Variants in SRPK2 observed in about 807,000 individuals in gnomAD.
SRPK2 encodes SFRS protein kinase 2.
Under a neutral mutation model 90.8 loss-of-function variants are expected in SRPK2, and 21 were observed. The observed-to-expected ratio is 0.23, with a 90% confidence interval of 0.16 to 0.33. The LOEUF (loss-of-function observed/expected upper bound fraction) is 0.33, where lower values mean the gene tolerates loss of function less well. Among genes scored for constraint, SRPK2 ranks in the 10% least tolerant of loss-of-function variants. The pLI is 1.00. For synonymous variants in SRPK2, 288 were observed against 311.1 expected, an observed-to-expected ratio of 0.93 and a Z score of 0.78; for missense variants, 620 against 869.0, an observed-to-expected ratio of 0.71 and a Z score of 3.60.
At chr7:105,328,373 C>A (rs941941727) in intron 2 of SRPK2, among the ~76,000 whole-genome samples, 4 of 149,660 alleles carry the variant, frequency 2.7e-5, no homozygotes, top group African/African-American at 4.9e-5. Flanking sequence ...ACCAGCCTGG[C>A]AAACATGGTG....
chr7:105,293,500 C>G (rs1429058605), intron 2 of SRPK2, among the ~76,000 whole-genome samples: 1 of 152,024 alleles, frequency 6.6e-6, no homozygotes, highest in Non-Finnish European at 1.5e-5. Context: ...CCTCCACCCC[C>G]CACCCCGCCC....
chr7:105,295,285 G>A (rs963480677), intron 2 of SRPK2, among the ~76,000 whole-genome samples: 8 of 150,470 alleles, frequency 5.3e-5, no homozygotes, highest in African/African-American at 2.4e-5. Flanking sequence ...TTTATATAAC[G>A]TTTTAATATA....
intron 6 of SRPK2, 111 bp from the exon 7 acceptor site, chr7:105,160,724 C>T (rs546933343): frequency 2.2e-5 from 13 of 597,080 alleles, no homozygotes; most frequent in Non-Finnish European, 3.4e-5. Flanking sequence ...TAAAATACAA[C>T]ATCAACCCTA....
At chr7:105,356,652 C>T (rs912831809) in intron 2 of SRPK2, among the ~76,000 whole-genome samples, 1 of 152,152 alleles carries the variant, frequency 6.6e-6, no homozygotes, top group Non-Finnish European at 1.5e-5. Flanking sequence ...CAACATCATA[C>T]ATACTCAGCT....
At chr7:105,252,285 A>G (rs1343158820) in intron 2 of SRPK2, among the ~76,000 whole-genome samples, 1 of 152,208 alleles carries the variant, frequency 6.6e-6, no homozygotes, top group Non-Finnish European at 1.5e-5. Context: ...TACTGTCAGG[A>G]TAGAAAGGGC....
intron 2 of SRPK2, among the ~76,000 whole-genome samples, chr7:105,365,917 C>T (rs577586545): frequency 1.1e-4 from 17 of 151,568 alleles, no homozygotes; most frequent in East Asian, 5.8e-4. Context: ...GTGCATGGCG[C>T]GATCTCGGCT....
intron 9 of SRPK2, 23 bp from the exon 10 acceptor site, chr7:105,143,353 G>A (rs1804075543): frequency 6.3e-7 from 1 of 1,599,236 alleles, no homozygotes; most frequent in South Asian, 1.1e-5. Flanking sequence ...AAGACCACAG[G>A]TCAGTATTCT....
At chr7:105,338,435 C>T (rs895667533) in intron 2 of SRPK2, among the ~76,000 whole-genome samples, 1 of 152,066 alleles carries the variant, frequency 6.6e-6, no homozygotes, top group African/African-American at 2.4e-5. Flanking sequence ...TTAGTGGAGT[C>T]GGGGTTTCAC....
At chr7:105,195,494 A>G (rs1794808285) in intron 3 of SRPK2, among the ~76,000 whole-genome samples, 1 of 152,212 alleles carries the variant, frequency 6.6e-6, no homozygotes, top group Admixed American at 6.5e-5. Context: ...TCTCACACTC[A>G]TCTCTATCCT....
intron 2 of SRPK2, among the ~76,000 whole-genome samples, chr7:105,355,702 A>G (rs1466192825): frequency 6.6e-6 from 1 of 152,004 alleles, no homozygotes; most frequent in African/African-American, 2.4e-5. Flanking sequence ...CAAATAACTA[A>G]ACGTCAAGCA....
intron 2 of SRPK2, among the ~76,000 whole-genome samples, chr7:105,302,584 G>A (rs1047147910): frequency 1.3e-5 from 2 of 151,780 alleles, no homozygotes; most frequent in African/African-American, 4.8e-5. Flanking sequence ...TTTAAATGCT[G>A]GTATTTGAAC....
chr7:105,145,368 G>A lies in SRPK2; in HGVS notation c.788-60C>T, dbSNP rs145876173. 2.3e-4 allele frequency: 301 copies of A among 1,303,154 alleles called. No homozygotes were observed. In the African/African-American group the frequency reaches 3.7e-3, roughly 16 times the overall value. 80.7% of individuals were successfully genotyped at this position (1,303,154 alleles called of 1,614,324 possible). A position where few individuals can be genotyped will look rare whatever the true frequency, so the allele number is the denominator to read the frequency against. On this transcript the variant is annotated intron_variant, in intron 8 of 15. Transcript: ENST00000393651. ...GAAAACAGACACATGCCTTCATGTA[G>A]GTCATTCGAATTGCAAAGTGAAATA...
intron 2 of SRPK2, among the ~76,000 whole-genome samples, chr7:105,371,619 G>T (rs1312161589): frequency 6.7e-6 from 1 of 149,692 alleles, no homozygotes; most frequent in Non-Finnish European, 1.5e-5. Context: ...AGTCAGGTAT[G>T]GTAGGTAGTG....
chr7:105,132,717 G>T, intron 13 of SRPK2, 74 bp downstream of exon 13: 1 of 1,234,856 alleles, frequency 8.1e-7, no homozygotes, highest in Non-Finnish European at 1.1e-6. Context: ...ATGCCTCAGA[G>T]AGACTCAGCC....
chr7:105,314,739 T>A (rs1223741398), intron 2 of SRPK2, among the ~76,000 whole-genome samples: 5 of 152,210 alleles, frequency 3.3e-5, no homozygotes, highest in African/African-American at 1.2e-4. Flanking sequence ...TAGAAGTTAA[T>A]GTTCTAGAAA....
At chr7:105,297,426 T>G (rs1466819343) in intron 2 of SRPK2, 1 of 980,812 alleles carries the variant, frequency 1.0e-6, no homozygotes, top group East Asian at 1.1e-4. Flanking sequence ...GTTACCTTAT[T>G]GAACATTTGC....
At chr7:105,146,267 A>G (rs1255918216) in intron 8 of SRPK2, among the ~76,000 whole-genome samples, 1 of 152,240 alleles carries the variant, frequency 6.6e-6, no homozygotes, top group Non-Finnish European at 1.5e-5. Context: ...AGCAGCAACT[A>G]CAAATTTAAA....
chr7:105,256,906 ATCT>A (rs1237493136), intron 2 of SRPK2, among the ~76,000 whole-genome samples: 1 of 152,200 alleles, frequency 6.6e-6, no homozygotes, highest in African/African-American at 2.4e-5. Flanking sequence ...CATACCACTC[ATCT>A]TTTAAAGTAA....
chr7:105,266,587 TATA>T (rs1805111982), intron 2 of SRPK2, among the ~76,000 whole-genome samples: 1 of 152,162 alleles, frequency 6.6e-6, no homozygotes, highest in Non-Finnish European at 1.5e-5. Flanking sequence ...GAACACTGAC[TATA>T]TGCAAATTCC....
Sources: allele counts gnomAD v4.1 joint callset (sites outside exome capture counted in the v4.1 genomes callset), GRCh38; gene constraint gnomAD v4.1.1; transcripts MANE v1.5; gene names NCBI Gene and HGNC (gene_info 2026-07-23, HGNC 2026-07-21).